LOXL2: variants seen among roughly 807,000 people sequenced by gnomAD.
LOXL2 encodes lysyl oxidase like 2.
In LOXL2, 70 loss-of-function variants were observed where a neutral mutation model predicts 93.0. That is an observed-to-expected ratio of 0.75 (90% CI 0.62 to 0.92). The LOEUF (loss-of-function observed/expected upper bound fraction) is 0.92, where lower values mean the gene tolerates loss of function less well. Among genes scored for constraint, LOXL2 ranks in the 40% least tolerant of loss-of-function variants. LOXL2 has a pLI of 0.00. For synonymous variants in LOXL2, 438 were observed against 413.2 expected (o/e 1.06, Z -0.73); for missense variants, 973 against 1,054.9 (o/e 0.92, Z 1.08).
intron 1 of LOXL2, among the ~76,000 whole-genome samples, chr8:23,388,016 A>T (rs1804789730): frequency 6.6e-6 from 1 of 152,194 alleles, no homozygotes; most frequent in Non-Finnish European, 1.5e-5. Context: ...TGTTGTAAAA[A>T]TCAAAGATCA....
chr8:23,373,680 G>C (rs1804539461), intron 1 of LOXL2, among the ~76,000 whole-genome samples: 2 of 152,148 alleles, frequency 1.3e-5, no homozygotes, highest in South Asian at 4.1e-4. Flanking sequence ...TGATGTGGTA[G>C]GCACTGTTAT....
chr8:23,333,388 GC>G lies in LOXL2; in HGVS notation c.966+12del. 6.2e-7 allele frequency: 1 copy of G among 1,612,602 alleles called. No homozygotes were observed. The highest frequency in any genetic ancestry group is 8.5e-7 in the Non-Finnish European group (1 of 1,179,138). ...CAGGTGCCAAGTGGCCACACCTCGT[GC>G]CCCGTCCTCACCTCTGGCTTGTACG... On this transcript the variant is annotated intron_variant, in intron 5 of 13. Transcript: ENST00000389131.
chr8:23,331,169 A>G (rs1803669368), intron 5 of LOXL2, among the ~76,000 whole-genome samples: 1 of 152,074 alleles, frequency 6.6e-6, no homozygotes, highest in Non-Finnish European at 1.5e-5. Flanking sequence ...AGCAGGTCTC[A>G]ACAAAGAGGG....
At chr8:23,361,181 G>A (rs1340887709) in intron 2 of LOXL2, among the ~76,000 whole-genome samples, 2 of 152,174 alleles carry the variant, frequency 1.3e-5, no homozygotes, top group African/African-American at 4.8e-5. Flanking sequence ...TTACAGGCGT[G>A]AGGCACTGCG....
intron 10 of LOXL2, among the ~76,000 whole-genome samples, chr8:23,304,841 C>G (rs1264611567): frequency 6.6e-6 from 1 of 152,192 alleles, no homozygotes; most frequent in Admixed American, 6.5e-5. Context: ...GTTCCCTCTG[C>G]TGTGTACGGG....
chr8:23,339,707 C>T lies in LOXL2; in HGVS notation c.743+1285G>A, dbSNP rs150985155. Among the ~76,000 whole-genome samples, 219 of 152,230 alleles carry T rather than the reference C, an allele frequency of 1.4e-3. 1 individual carries two copies. Among genetic ancestry groups the T allele is most frequent in the East Asian group, 9.1e-3 (47 of 5,178 alleles). ...GAGAAGGTATCACCAAGGAAGGAGT[C>T]GGGTGGGAGTTCTCCAAAGTATTCA... On this transcript the variant is annotated intron_variant, in intron 4 of 13. Coordinates refer to ENST00000389131, the MANE Select transcript of LOXL2 (RefSeq NM_002318.3).
intron 5 of LOXL2, among the ~76,000 whole-genome samples, chr8:23,329,968 G>A (rs1803644624): frequency 6.6e-6 from 1 of 152,074 alleles, no homozygotes; most frequent in South Asian, 2.1e-4. Context: ...CCCGCAGTAT[G>A]GGGAGAAGAA....
intron 1 of LOXL2, among the ~76,000 whole-genome samples, chr8:23,388,643 A>ACACG (rs1804799414): frequency 8.5e-6 from 1 of 117,208 alleles, no homozygotes; most frequent in South Asian, 2.5e-4. Context: ...ACACACACAC[A>ACACG]CACACACACA....
At position 23,368,386 on chromosome 8, in the gene LOXL2, C is replaced by T. The variant is rs377256437; in HGVS notation, c.-35G>A. On this transcript the variant is annotated 5_prime_UTR_variant, in exon 2 of 14. Transcript: ENST00000389131. Reference sequence around the variant, plus strand: ...CGGGCTGATGATCCCACGAAGGGGCCCTGCGCAGCTGGGAGGGACAGGCGG... The same window carrying T: ...CGGGCTGATGATCCCACGAAGGGGCTCTGCGCAGCTGGGAGGGACAGGCGG... 743 of 1,578,006 alleles carry T rather than the reference C, an allele frequency of 4.7e-4. No individual in the cohort carries two copies. Among genetic ancestry groups the T allele is most frequent in the South Asian group, 5.9e-4 (53 of 90,496 alleles).
chr8:23,386,550 T>TA (rs1221805166), intron 1 of LOXL2, among the ~76,000 whole-genome samples: 2 of 152,188 alleles, frequency 1.3e-5, no homozygotes, highest in African/African-American at 2.4e-5. Context: ...CCTGTTCTAT[T>TA]AGTCCTTGCT....
chr8:23,306,079 GT>G (rs1240733193), intron 10 of LOXL2, among the ~76,000 whole-genome samples: 17 of 152,308 alleles, frequency 1.1e-4, no homozygotes, highest in African/African-American at 4.1e-4. Flanking sequence ...CCAAAGTGCT[GT>G]GATTACAGGT....
Position 23,342,384 on chromosome 8 carries a change from C to T in LOXL2, c.532-1181G>A, listed in dbSNP as rs113856542. ...CAGTCCCTGACTGAGTTCCTGCCTC[C>T]GTCTGTCTGCCACAGGGCCAGCCAC... On this transcript the variant is annotated intron_variant, in intron 3 of 13. Transcript: ENST00000389131. 2.8e-3 allele frequency among the ~76,000 whole-genome samples: 419 copies of T among 152,256 alleles called. 1 individual carries two copies. Among genetic ancestry groups the T allele is most frequent in the African/African-American group, 9.6e-3 (399 of 41,562 alleles).
chr8:23,367,777 T>C lies in LOXL2; in HGVS notation c.355+220A>G, dbSNP rs112670455. Among the ~76,000 whole-genome samples the C allele has an allele frequency of 2.2e-3, 329 of 152,210 alleles. 1 individual carries two copies. The highest frequency in any genetic ancestry group is 7.7e-3 in the African/African-American group (320 of 41,470). ...CAGGAAAGTCTTGGGCAAATCAGTA[T>C]GGTTGGTCACTTACTGTGCCCCTCC... is the stretch of plus-strand genomic sequence containing the variant. On this transcript the variant is annotated intron_variant, in intron 2 of 13. Coordinates refer to ENST00000389131, the MANE Select transcript of LOXL2 (RefSeq NM_002318.3).
intron 5 of LOXL2, among the ~76,000 whole-genome samples, chr8:23,331,254 G>A (rs1406328659): frequency 1.3e-5 from 2 of 152,242 alleles, no homozygotes; most frequent in African/African-American, 4.8e-5. Flanking sequence ...GGGGAAAGCT[G>A]GTTGGCTCAG....
At chr8:23,316,811 G>C (rs1256636106) in intron 9 of LOXL2, 138 bp downstream of exon 9, 3 of 895,690 alleles carry the variant, frequency 3.3e-6, no homozygotes, top group Non-Finnish European at 4.8e-6. Flanking sequence ...CTTGCCCCCA[G>C]TTTTTCTCCC....
intron 1 of LOXL2, chr8:23,370,505 AC>A (rs1468116019): frequency 1.3e-5 from 2 of 152,228 alleles, no homozygotes; most frequent in Non-Finnish European, 2.9e-5. Context: ...AGATAAAGCT[AC>A]CTGCCAAGAA....
Position 23,302,167 on chromosome 8 carries a change from C to A in LOXL2, c.1997-4G>T. 6.2e-7 allele frequency: 1 copy of A among 1,614,094 alleles called. No homozygotes were observed. Among genetic ancestry groups the A allele is most frequent in the Non-Finnish European group, 8.5e-7 (1 of 1,179,966 alleles). ...CACTCGTAATTCTTCTGGATGTCTG[C>A]GGGCAGGGTAGAGGAGAGCTCATCA... On this transcript the variant is annotated splice_region_variant and splice_polypyrimidine_tract_variant and intron_variant, in intron 11 of 13. Coordinates refer to ENST00000389131, the MANE Select transcript of LOXL2 (RefSeq NM_002318.3).
intron 10 of LOXL2, among the ~76,000 whole-genome samples, chr8:23,306,259 C>T (rs1351379152): frequency 4.6e-5 from 7 of 152,180 alleles, no homozygotes; most frequent in Non-Finnish European, 1.0e-4. Flanking sequence ...AATGAAACTC[C>T]CAGTCAGAGC....
At chr8:23,328,714 TG>T in intron 5 of LOXL2, 149 bp from the exon 6 acceptor site, 1 of 591,772 alleles carries the variant, frequency 1.7e-6, no homozygotes. Flanking sequence ...TATGGATGTG[TG>T]TGTGTGTGTG....
Sources: gnomAD v4.1 joint callset for allele counts (sites outside exome capture counted in the v4.1 genomes callset) on GRCh38, gnomAD v4.1.1 for gene constraint, MANE v1.5 for transcripts, NCBI Gene and HGNC (gene_info 2026-07-23, HGNC 2026-07-21) for gene names.